OR4E2: variants seen among roughly 807,000 people sequenced by gnomAD.
The protein encoded by OR4E2 is olfactory receptor family 4 subfamily E member 2, also known as olfactory receptor 4E2.
Under a neutral mutation model 11.0 loss-of-function variants are expected in OR4E2, and 9 were observed. The observed-to-expected ratio is 0.82, with a 90% CI of 0.49 to 1.43. The LOEUF is 1.43. OR4E2 is among the 40% of genes most tolerant of loss of function. The pLI is 0.00. For synonymous variants in OR4E2, 159 were observed against 147.3 expected, an observed-to-expected ratio of 1.08 and a Z score of -0.57; for missense variants, 441 against 382.0, an observed-to-expected ratio of 1.15 and a Z score of -1.29.
chr14:21,656,228 T>C (rs1168230202), intron 1 of OR4E2, among the ~76,000 whole-genome samples: 1 of 149,536 alleles, frequency 6.7e-6, no homozygotes, highest in Non-Finnish European at 1.5e-5. Context: ...ACATGGTTGG[T>C]GTGTGCCTGT....
In OR4E2 at chr14:21,666,037, T is replaced by C. The variant is rs555034430; in HGVS notation, c.*13T>C. On this transcript the variant is annotated 3_prime_UTR_variant, in exon 4 of 4. Coordinates refer to ENST00000641524, the MANE Select transcript of OR4E2 (RefSeq NM_001001912.3). ...ATCATATACATAATGGGCACTGGGATTGCAGACATAATTGCAGCCACATCC... is the reference window on the plus strand; with the variant it reads ...ATCATATACATAATGGGCACTGGGACTGCAGACATAATTGCAGCCACATCC... The C allele has an allele frequency of 1.2e-5, 19 of 1,573,084 alleles. No individual in the cohort carries two copies. Among genetic ancestry groups the C allele is most frequent in the Middle Eastern group, 1.7e-4 (1 of 5,932 alleles).
At chr14:21,663,805 C>T (rs1421124351) in intron 3 of OR4E2, among the ~76,000 whole-genome samples, 1 of 152,090 alleles carries the variant, frequency 6.6e-6, no homozygotes. Context: ...AGAGTGGGTC[C>T]ACGTGTTCTC....
chr14:21,662,745 C>T (rs964819009), intron 3 of OR4E2, among the ~76,000 whole-genome samples: 4 of 152,126 alleles, frequency 2.6e-5, no homozygotes, highest in African/African-American at 9.7e-5. Context: ...GATGTAAGCC[C>T]TGTGAACTAC....
At position 21,657,484 on chromosome 14, in the gene OR4E2, C is replaced by T. The variant is rs1204109534; in HGVS notation, c.-103+895C>T. Among the ~76,000 whole-genome samples the T allele has an allele frequency of 1.7e-3, 172 of 103,534 alleles. 2 individuals carry two copies. The highest frequency in any genetic ancestry group is 1.1e-3 in the Non-Finnish European group (58 of 53,478). 67.9% of individuals were successfully genotyped at this position (103,534 alleles called of 152,430 possible). On this transcript the variant is annotated intron_variant, in intron 2 of 3. Coordinates refer to ENST00000641524, the MANE Select transcript of OR4E2 (RefSeq NM_001001912.3). ...CCTTCCTTCCTTCCTTCCTTCCTTC[C>T]TTCCTTCCTTCCTTCCTTCCTTCTT...
intron 2 of OR4E2, among the ~76,000 whole-genome samples, chr14:21,657,793 T>A (rs955519469): frequency 6.6e-6 from 1 of 152,074 alleles, no homozygotes; most frequent in African/African-American, 2.4e-5. Context: ...TTTCTCCATG[T>A]TGGCCAGGCT....
At chr14:21,664,495 T>A (rs771066974) in intron 3 of OR4E2, among the ~76,000 whole-genome samples, 8 of 152,144 alleles carry the variant, frequency 5.3e-5, no homozygotes, top group Non-Finnish European at 1.0e-4. Flanking sequence ...ATAGAGTGTA[T>A]GTTTTCTGAG....
chr14:21,664,906 G>A lies in OR4E2; in HGVS notation c.-8-169G>A, dbSNP rs542258160. ...GTGTTTAAATAGAAGTGCCTGGCAT[G>A]GCTCCTGGTAAGTAGTGGGTATACT... On this transcript the variant is annotated intron_variant, in intron 3 of 3. Transcript: ENST00000641524. Among the ~76,000 whole-genome samples, 203 of 152,254 alleles carry A rather than the reference G, an allele frequency of 1.3e-3. 1 individual carries two copies. The highest frequency in any genetic ancestry group is 2.2e-3 in the Admixed American group (34 of 15,290).
intron 2 of OR4E2, among the ~76,000 whole-genome samples, chr14:21,657,721 G>T (rs1880088965): frequency 6.6e-6 from 1 of 151,738 alleles, no homozygotes. Flanking sequence ...CTCCCAAGTA[G>T]CTGGGATTAT....
At position 21,666,062 on chromosome 14, in the gene OR4E2, C is replaced by T. The variant is rs1244894732; in HGVS notation, c.*38C>T. On this transcript the variant is annotated 3_prime_UTR_variant, in exon 4 of 4. Coordinates refer to ENST00000641524, the MANE Select transcript of OR4E2 (RefSeq NM_001001912.3). ...TTGCAGACATAATTGCAGCCACATC[C>T]TTAATGAAAGAGCAAAAGTAAAGAG... is the stretch of plus-strand genomic sequence containing the variant. 4 of 1,451,636 alleles carry T rather than the reference C, an allele frequency of 2.8e-6. No individual in the cohort carries two copies. The highest frequency in any genetic ancestry group is 2.3e-5 in the East Asian group (1 of 43,576). 89.9% of individuals were successfully genotyped at this position (1,451,636 alleles called of 1,614,324 possible).
intron 1 of OR4E2, among the ~76,000 whole-genome samples, chr14:21,655,207 A>G (rs1245579912): frequency 6.6e-6 from 1 of 152,246 alleles, no homozygotes; most frequent in Admixed American, 6.5e-5. Context: ...GTATACGCAG[A>G]GTAATATATG....
chr14:21,665,717 T>G lies in OR4E2; in HGVS notation c.635T>G (p.Leu212Trp). Residue 212 changes from leucine to tryptophan, a missense_variant, in exon 4 of 4, where the codon TTG becomes TGG. By Grantham distance (61) the Leu-to-Trp change is moderately conservative. Transcript: ENST00000641524. ...GGAACCATCTCCCTCTCCTGTTTCT[T>G]GGCCGTGGTCACCTCCTATATGGTC... ...NSGTISLSCF[L>W]AVVTSYMVIL... 6.2e-7 allele frequency: 1 copy of G among 1,614,222 alleles called. No individual in the cohort carries two copies. Among genetic ancestry groups the G allele is most frequent in the Non-Finnish European group, 8.5e-7 (1 of 1,180,026 alleles).
chr14:21,664,105 T>C (rs953040868), intron 3 of OR4E2, among the ~76,000 whole-genome samples: 1 of 152,216 alleles, frequency 6.6e-6, no homozygotes, highest in African/African-American at 2.4e-5. Context: ...TATTTTCCTT[T>C]GGTTATATAC....
intron 2 of OR4E2, among the ~76,000 whole-genome samples, chr14:21,658,011 T>C (rs955427851): frequency 3.9e-5 from 6 of 152,142 alleles, no homozygotes; most frequent in African/African-American, 1.4e-4. Context: ...CCAGTTTTAG[T>C]TGGTAACTGA....
Position 21,657,405 on chromosome 14 carries a change from CCTT to C in OR4E2, c.-103+817_-103+819del, listed in dbSNP as rs1566581790. The stretch of plus-strand genomic sequence containing the variant: ...TCCTTCCTTTCTTTCTTCCTTCCTT[CCTT>C]TCTTTCTTTCTTTCTCTTTCTTTCT... On this transcript the variant is annotated intron_variant, in intron 2 of 3. Transcript: ENST00000641524. 8.3e-3 allele frequency among the ~76,000 whole-genome samples: 1,103 copies of C among 132,306 alleles called. 71 individuals carry two copies. The highest frequency in any genetic ancestry group is 0.07 in the Admixed American group (875 of 12,474). The allele number at this position is 132,306 out of a possible 152,430, so 86.8% of individuals were successfully genotyped here. A position where few individuals can be genotyped will look rare whatever the true frequency, so the allele number is the denominator to read the frequency against.
At chr14:21,659,791 GA>G (rs1209524848) in intron 2 of OR4E2, among the ~76,000 whole-genome samples, 3 of 152,126 alleles carry the variant, frequency 2.0e-5, no homozygotes, top group Non-Finnish European at 4.4e-5. Flanking sequence ...GCGAAACAAA[GA>G]TCCCTGTCCT....
intron 3 of OR4E2, 56 bp downstream of exon 3, chr14:21,660,802 T>C (rs1394426290): frequency 1.3e-5 from 2 of 152,000 alleles, no homozygotes; most frequent in African/African-American, 4.8e-5. Context: ...CTCACTGTAA[T>C]GTTGAGAAAG....
intron 3 of OR4E2, among the ~76,000 whole-genome samples, chr14:21,661,791 T>A (rs1880342756): frequency 6.6e-6 from 1 of 152,218 alleles, no homozygotes; most frequent in South Asian, 2.1e-4. Flanking sequence ...TTGAGAAACA[T>A]TCAGTTTGTT....
intron 3 of OR4E2, 58 bp from the exon 4 acceptor site, chr14:21,665,017 A>G: frequency 3.5e-6 from 3 of 858,236 alleles, no homozygotes; most frequent in Non-Finnish European, 5.5e-6. Flanking sequence ...AGTCATTTCA[A>G]TTAGTTCTAT....
In OR4E2 at chr14:21,665,166, C is replaced by A. The variant is rs750641684; in HGVS notation, c.84C>A (p.Phe28Leu). The A allele has an allele frequency of 6.2e-7, 1 of 1,613,682 alleles. No homozygotes were observed. Among genetic ancestry groups the A allele is most frequent in the African/African-American group, 1.3e-5 (1 of 74,892 alleles). ...TDNRVLEMLF[F>L]MAFSAIYMLT... ...ACCGGGTGCTGGAAATGCTGTTTTT[C>A]ATGGCATTCTCAGCCATTTATATGC... The change falls in exon 4 of 4, where the codon TTC (phenylalanine) becomes TTA (leucine). Residue 28 changes from phenylalanine (F) to leucine (L), a missense_variant. Physicochemically the swap from Phe to Leu is conservative, Grantham distance 22 (BLOSUM62 0). Transcript: ENST00000641524.
Sources: allele counts gnomAD v4.1 joint callset (sites outside exome capture counted in the v4.1 genomes callset), GRCh38; gene constraint gnomAD v4.1.1; transcripts MANE v1.5; gene names NCBI Gene and HGNC (gene_info 2026-07-23, HGNC 2026-07-21).